ZIC4: variants seen among roughly 807,000 people sequenced by gnomAD.
The protein encoded by ZIC4 is zinc finger protein ZIC 4.
A neutral mutation model predicts 28.8 loss-of-function variants in ZIC4; 15 were observed. That is an observed-to-expected ratio of 0.52 (90% CI 0.35 to 0.80). The LOEUF is 0.80. Ranked by LOEUF, ZIC4 falls within the 30% of genes least tolerant of loss-of-function variation. The pLI, the probability that ZIC4 is intolerant of heterozygous loss-of-function variation, is 0.01. For missense variants in ZIC4, 512 were observed against 467.1 expected, an observed-to-expected ratio of 1.10 and a Z score of -0.89; for synonymous variants, 220 against 198.1, an observed-to-expected ratio of 1.11 and a Z score of -0.93.
chr3:147,403,859 TCC>T, intron 1 of ZIC4: 1 of 1,061,040 alleles, frequency 9.4e-7, no homozygotes, highest in Non-Finnish European at 1.3e-6. Flanking sequence ...TCTCTCTCTC[TCC>T]CCCTCAACGT....
At chr3:147,389,306 G>C (rs2086859741) in intron 4 of ZIC4, 1 of 170,756 alleles carries the variant, frequency 5.9e-6, no homozygotes, top group Admixed American at 5.8e-5. Context: ...GGGCAGGAGT[G>C]CTAATTGTCT....
At chr3:147,395,748 C>G in intron 3 of ZIC4, 104 bp downstream of exon 3, 1 of 1,503,882 alleles carries the variant, frequency 6.6e-7, no homozygotes, top group Admixed American at 2.2e-5. Context: ...GGAAACAACC[C>G]CAAAATATTT....
chr3:147,396,354 G>C lies in ZIC4; in HGVS notation c.186C>G (p.Leu62=), dbSNP rs751623446. The C allele has an allele frequency of 6.4e-7, 1 of 1,559,792 alleles. No homozygotes were observed. Among genetic ancestry groups the C allele is most frequent in the Non-Finnish European group, 8.7e-7 (1 of 1,156,016 alleles). The stretch of plus-strand genomic sequence containing the variant: ...TGTCTCCAGGGAGCCCCAGACGCAG[G>C]AGTCCATTCAAAGGACGGCTGGGGG... ...QASPSRPLNG[L]LRLGLPGDMY... is the part of the protein sequence containing the mutation. The change falls in exon 3 of 5, where the codon CTC becomes CTG. Residue 62 remains leucine (L), a synonymous_variant. Coordinates refer to ENST00000383075, the MANE Select transcript of ZIC4 (RefSeq NM_032153.6). This position sits in a 1 kb window ranked among gnomAD's most constrained non-coding sequence, Gnocchi z 4.2.
Position 147,402,758 on chromosome 3 carries a change from GTAATCGTTTCCTCATCACC to G in ZIC4, c.21_39del (p.Leu7PhefsTer47). 1 of 1,613,628 alleles carries G rather than the reference GTAATCGTTTCCTCATCACC, an allele frequency of 6.2e-7. No individual in the cohort carries two copies. Among genetic ancestry groups the G allele is most frequent in the Non-Finnish European group, 8.5e-7 (1 of 1,179,834 alleles). On this transcript the variant is annotated frameshift_variant, in exon 2 of 5. Transcript: ENST00000383075. LOFTEE classifies it high-confidence loss of function. ...TCTTTAAGAGTGTTTCGGTAAAGCC[GTAATCGTTTCCTCATCACC>G]AAGGATGTCTTGTATCTCATTTTCT...
At chr3:147,402,225 C>T (rs755108014) in intron 2 of ZIC4, among the ~76,000 whole-genome samples, 19 of 152,234 alleles carry the variant, frequency 1.2e-4, no homozygotes, top group Admixed American at 9.2e-4. Context: ...TCAGACACCA[C>T]ATTGTGGGAA....
intron 3 of ZIC4, among the ~76,000 whole-genome samples, chr3:147,394,117 C>CCTCTCT (rs113382372): frequency 2.4e-3 from 343 of 145,206 alleles, no homozygotes; most frequent in East Asian, 7.4e-3. Context: ...ATTTTTTTTC[C>CCTCTCT]CTCTCTCTCT....
chr3:147,386,767 T>C lies in ZIC4; in HGVS notation c.*2092A>G, dbSNP rs897791302. ...TCACTGTGTTGTAGACCAAACCTTC[T>C]AAACTTCAATTGCCAAGATTCTGAA... On this transcript the variant is annotated 3_prime_UTR_variant, in exon 5 of 5. Coordinates refer to ENST00000383075, the MANE Select transcript of ZIC4 (RefSeq NM_032153.6). 1 of 152,234 alleles carries C rather than the reference T, an allele frequency of 6.6e-6. No individual in the cohort carries two copies. The highest frequency in any genetic ancestry group is 2.4e-5 in the African/African-American group (1 of 41,462). The allele number at this position is 152,234 out of a possible 1,614,324, so 9.4% of individuals were successfully genotyped here. A position where few individuals can be genotyped will look rare whatever the true frequency, so the allele number is the denominator to read the frequency against.
At chr3:147,392,084 G>C in intron 3 of ZIC4, 1 of 985,594 alleles carries the variant, frequency 1.0e-6, no homozygotes, top group Non-Finnish European at 1.2e-6. Context: ...AGTCCGCACT[G>C]ACTTGCGATG....
rs373612336 is a variant in ZIC4, at chr3:147,388,845, C to T, written c.*14G>A. 3.8e-6 allele frequency: 3 copies of T among 779,922 alleles called. No homozygotes were observed. Among genetic ancestry groups the T allele is most frequent in the Non-Finnish European group, 7.2e-6 (3 of 417,884 alleles). The allele number at this position is 779,922 out of a possible 1,614,324, so 48.3% of individuals were successfully genotyped here. The stretch of plus-strand genomic sequence containing the variant: ...GCGCGGAGCGAGATTACCTTGCGAG[C>T]AACGCGGTGGACATCTGTAACAAGC... On this transcript the variant is annotated 3_prime_UTR_variant, in exon 5 of 5. Coordinates refer to ENST00000383075, the MANE Select transcript of ZIC4 (RefSeq NM_032153.6).
At chr3:147,406,318 G>A (rs2087275807) in intron 1 of ZIC4, 45 bp downstream of exon 1, 1 of 152,386 alleles carries the variant, frequency 6.6e-6, no homozygotes, top group Non-Finnish European at 1.5e-5. Context: ...CCGGTCGCTG[G>A]AGGTACAGTT....
At chr3:147,399,663 ATTTTTTT>A (rs34229132) in intron 2 of ZIC4, among the ~76,000 whole-genome samples, 1 of 128,026 alleles carries the variant, frequency 7.8e-6, no homozygotes, top group Non-Finnish European at 1.7e-5. Flanking sequence ...AAAAACACGG[ATTTTTTT>A]TTTTTTTTTT....
In ZIC4 at chr3:147,396,527, CCTGGGCCCCGGGGGG is replaced by C; in HGVS notation, c.71-73_71-59del. On this transcript the variant is annotated intron_variant, in intron 2 of 4. Transcript: ENST00000383075. This position sits in a 1 kb window ranked among gnomAD's most constrained non-coding sequence, Gnocchi z 4.2. ...GGGTGGCGTGGGCTGCGCGCTCTTC[CCTGGGCCCCGGGGGG>C]CAGGCCCAGCCCTGCCGCACTACGG... The C allele has an allele frequency of 6.7e-7, 1 of 1,484,496 alleles. No homozygotes were observed. The highest frequency in any genetic ancestry group is 8.9e-7 in the Non-Finnish European group (1 of 1,127,256). The allele number at this position is 1,484,496 out of a possible 1,614,324, so 92.0% of individuals were successfully genotyped here.
chr3:147,390,212 C>A (rs2086884644), intron 4 of ZIC4, among the ~76,000 whole-genome samples: 1 of 152,040 alleles, frequency 6.6e-6, no homozygotes, highest in Non-Finnish European at 1.5e-5. Flanking sequence ...GATGAATCTC[C>A]CTTACCTCCT....
chr3:147,394,008 G>A, intron 3 of ZIC4: 1 of 455,124 alleles, frequency 2.2e-6, no homozygotes, highest in East Asian at 7.0e-5. Context: ...TCGAGGAAAT[G>A]AAACGCCATT....
intron 1 of ZIC4, among the ~76,000 whole-genome samples, chr3:147,404,829 A>G (rs1333808745): frequency 6.6e-6 from 1 of 152,208 alleles, no homozygotes; most frequent in African/African-American, 2.4e-5. Flanking sequence ...TAGCCGGCGC[A>G]GGACTACCCA....
intron 3 of ZIC4, chr3:147,392,455 A>G (rs1226147209): frequency 1.0e-6 from 1 of 985,198 alleles, no homozygotes. Flanking sequence ...GTAGGAGAGG[A>G]AAGGACCCCG....
chr3:147,395,761 C>G (rs2087026640), intron 3 of ZIC4, 91 bp downstream of exon 3: 1 of 1,513,706 alleles, frequency 6.6e-7, no homozygotes, highest in Non-Finnish European at 8.8e-7. Context: ...AAATATTTCC[C>G]CCTCCCCTCA....
intron 1 of ZIC4, chr3:147,404,323 T>C (rs1163621646): frequency 3.0e-6 from 4 of 1,327,848 alleles, no homozygotes; most frequent in Non-Finnish European, 2.9e-6. Context: ...TACAGACCCA[T>C]AGACATGCAA....
chr3:147,392,710 C>T (rs1381168085), intron 3 of ZIC4: 5 of 152,506 alleles, frequency 3.3e-5, no homozygotes. Flanking sequence ...AGCCCCAATT[C>T]CCGAGCCCTG....
Sources: gnomAD v4.1 joint callset for allele counts (sites outside exome capture counted in the v4.1 genomes callset) on GRCh38, gnomAD v4.1.1 for gene constraint, Gnocchi (gnomAD v3.1) non-coding constraint, MANE v1.5 for transcripts, NCBI Gene and HGNC (gene_info 2026-07-23, HGNC 2026-07-21) for gene names.